The following FAM163A variants were observed in gnomAD, a reference collection of about 807,000 sequenced individuals.
FAM163A encodes the protein protein FAM163A.
In FAM163A, 7 loss-of-function variants were observed where a neutral mutation model predicts 12.0. The observed-to-expected ratio is 0.58, with a 90% confidence interval of 0.33 to 1.10. The LOEUF is 1.10. Among genes scored for constraint, FAM163A ranks in the 50% least tolerant of loss-of-function variants. The pLI is 0.03. For synonymous variants in FAM163A, 101 were observed against 91.0 expected, an observed-to-expected ratio of 1.11 and a Z score of -0.62; for missense variants, 202 against 218.6, an observed-to-expected ratio of 0.92 and a Z score of 0.48.
intron 3 of FAM163A, among the ~76,000 whole-genome samples, chr1:179,812,638 A>C (rs1694854349): frequency 6.6e-6 from 1 of 152,186 alleles, no homozygotes; most frequent in African/African-American, 2.4e-5. Flanking sequence ...CCCGTTCAGC[A>C]TGCGTGCGGT....
Position 179,813,838 on chromosome 1 carries a change from C to T in FAM163A, c.153C>T (p.His51=), listed in dbSNP as rs766209738. 1.2e-6 allele frequency: 2 copies of T among 1,613,988 alleles called. No homozygotes were observed. Among genetic ancestry groups the T allele is most frequent in the East Asian group, 2.2e-5 (1 of 44,876 alleles). Residue 51 remains histidine (H), a synonymous_variant, in exon 5 of 5, where the codon CAC becomes CAT. Coordinates refer to ENST00000341785, the MANE Select transcript of FAM163A (RefSeq NM_173509.3). ...CAGACGAGGAGGAGGAGCGGGAGCA[C>T]GACCTTCCCACGCATCCCAGAGGCC... ...EVADEEEERE[H]DLPTHPRGPT...
At chr1:179,804,624 A>G (rs1412000023) in intron 1 of FAM163A, among the ~76,000 whole-genome samples, 1 of 152,268 alleles carries the variant, frequency 6.6e-6, no homozygotes, top group Admixed American at 6.5e-5. Flanking sequence ...CTATGCAGCC[A>G]TAAAGAAGAA....
At chr1:179,742,448 C>G (rs987729531), upstream of FAM163A, 1 of 152,306 alleles carries the variant, frequency 6.6e-6, no homozygotes, top group South Asian at 2.1e-4. Context: ...CCTCTGTCCT[C>G]GCTGTCTTCA....
rs758341587 is a variant in FAM163A, at chr1:179,814,287, T to G, written c.*98T>G. 192 of 1,448,614 alleles carry G rather than the reference T, an allele frequency of 1.3e-4. No homozygotes were observed. The highest frequency in any genetic ancestry group is 1.7e-4 in the Non-Finnish European group (189 of 1,083,238). The allele number at this position is 1,448,614 out of a possible 1,614,324, so 89.7% of individuals were successfully genotyped here. A position where few individuals can be genotyped will look rare whatever the true frequency, so the allele number is the denominator to read the frequency against. ...CTCCAACAGCCCCACATGGGTTGTT[T>G]CTGTTTCTTTGGCTTTTCTCGCTCC... On this transcript the variant is annotated 3_prime_UTR_variant, in exon 5 of 5. Coordinates refer to ENST00000341785, the MANE Select transcript of FAM163A (RefSeq NM_173509.3).
intron 1 of FAM163A, among the ~76,000 whole-genome samples, chr1:179,748,985 TAA>T (rs1684887538): frequency 6.6e-6 from 1 of 152,242 alleles, no homozygotes; most frequent in Non-Finnish European, 1.5e-5. Context: ...ATGTGTGTGG[TAA>T]AATCAACAGG....
chr1:179,802,400 T>A (rs1175191512), intron 1 of FAM163A, among the ~76,000 whole-genome samples: 1 of 152,188 alleles, frequency 6.6e-6, no homozygotes, highest in Non-Finnish European at 1.5e-5. Context: ...CAGTGCCACA[T>A]CTGGTCCTCT....
chr1:179,734,612 A>C, the FAM163A span, among the ~76,000 whole-genome samples: 1 of 152,178 alleles, frequency 6.6e-6, no homozygotes, highest in African/African-American at 2.4e-5. Flanking sequence ...GATGGGACTA[A>C]TGAGCTCCTC....
Position 179,747,990 on chromosome 1 carries a change from G to A in FAM163A, c.-136+4567G>A, listed in dbSNP as rs1571300298. On this transcript the variant is annotated intron_variant, in intron 1 of 4. Coordinates refer to ENST00000341785, the MANE Select transcript of FAM163A (RefSeq NM_173509.3). Reference sequence around the variant, plus strand: ...GGGAGGAGGAAGAGGACTAGGAGGAGGGCAGCTTCTCATTGCTTTGGTCCA... The same window carrying A: ...GGGAGGAGGAAGAGGACTAGGAGGAAGGCAGCTTCTCATTGCTTTGGTCCA... Among the ~76,000 whole-genome samples, 7 of 152,176 alleles carry A rather than the reference G, an allele frequency of 4.6e-5. 1 individual carries two copies. In the East Asian group the frequency reaches 1.4e-3, roughly 29 times the overall value.
At chr1:179,806,465 A>G (rs957022746) in intron 1 of FAM163A, among the ~76,000 whole-genome samples, 2 of 152,078 alleles carry the variant, frequency 1.3e-5, no homozygotes, top group African/African-American at 4.8e-5. Flanking sequence ...TCACGCAGTC[A>G]CTCTGCCTCC....
At chr1:179,790,817 T>C (rs940960841) in intron 1 of FAM163A, among the ~76,000 whole-genome samples, 15 of 151,928 alleles carry the variant, frequency 9.9e-5, no homozygotes, top group African/African-American at 3.6e-4. Flanking sequence ...TTTAGAACAT[T>C]AGAGAATGAG....
intron 2 of FAM163A, among the ~76,000 whole-genome samples, chr1:179,808,862 G>C (rs1394184532): frequency 6.6e-6 from 1 of 152,190 alleles, no homozygotes; most frequent in Admixed American, 6.5e-5. Context: ...GCCAGCATTT[G>C]CATCTAGTTG....
Position 179,746,762 on chromosome 1 carries a change from C to G in FAM163A, c.-136+3339C>G, listed in dbSNP as rs571540724. ...AGCTTAACATTGTGGGGTGACGTAC[C>G]CCACCCCCTTTTGGTTGCTTGAGAG... On this transcript the variant is annotated intron_variant, in intron 1 of 4. Coordinates refer to ENST00000341785, the MANE Select transcript of FAM163A (RefSeq NM_173509.3). Among the ~76,000 whole-genome samples, 196 of 152,200 alleles carry G rather than the reference C, an allele frequency of 1.3e-3. 1 individual carries two copies. Among genetic ancestry groups the G allele is most frequent in the African/African-American group, 4.4e-3 (183 of 41,522 alleles).
intron 1 of FAM163A, among the ~76,000 whole-genome samples, chr1:179,765,905 C>T (rs1437420710): frequency 6.6e-6 from 1 of 151,996 alleles, no homozygotes; most frequent in Non-Finnish European, 1.5e-5. Context: ...CCTCCAGGCT[C>T]CCTACCCAAA....
rs575334708 is a variant in FAM163A at position 179,778,839 on chromosome 1, T to A, written c.-135-28959T>A. Among the ~76,000 whole-genome samples, 122 of 152,308 alleles carry A rather than the reference T, an allele frequency of 8.0e-4. 1 individual carries two copies. Among genetic ancestry groups the A allele is most frequent in the African/African-American group, 2.9e-3 (119 of 41,570 alleles). On this transcript the variant is annotated intron_variant, in intron 1 of 4. Transcript: ENST00000341785. ...GTAGTGGGGCTGGGTGCAACCCACCTAGTAACAATGTTTCTTCAAACACTG... is the reference window on the plus strand; with the variant it reads ...GTAGTGGGGCTGGGTGCAACCCACCAAGTAACAATGTTTCTTCAAACACTG...
Position 179,796,132 on chromosome 1 carries a change from T to TACACACACAC in FAM163A, c.-135-11644_-135-11635dup, listed in dbSNP as rs35899165. On this transcript the variant is annotated intron_variant, in intron 1 of 4. Transcript: ENST00000341785. Reference sequence around the variant, plus strand: ...CCTTCTCCAGAGAAACATTCAATAATACACACACACACACACACACACACA... The same window carrying TACACACACAC: ...CCTTCTCCAGAGAAACATTCAATAATACACACACACACACACACACACACACACACACACA... Among the ~76,000 whole-genome samples, 1,133 of 145,440 alleles carry TACACACACAC rather than the reference T, an allele frequency of 7.8e-3. 17 individuals are homozygous for TACACACACAC. Among genetic ancestry groups the TACACACACAC allele is most frequent in the African/African-American group, 0.027 (1,074 of 39,324 alleles).
chr1:179,810,069 ATTAAGTACCCGG>A (rs1694497821), intron 2 of FAM163A, among the ~76,000 whole-genome samples: 1 of 152,172 alleles, frequency 6.6e-6, no homozygotes, highest in Non-Finnish European at 1.5e-5. Context: ...GTGAGCTTTT[ATTAAGTACCCGG>A]TATGTGTCAG....
intron 1 of FAM163A, among the ~76,000 whole-genome samples, chr1:179,797,357 A>G (rs1692472998): frequency 6.6e-6 from 1 of 152,186 alleles, no homozygotes; most frequent in South Asian, 2.1e-4. Flanking sequence ...CTGAGGCAGG[A>G]GAATCGCTTG....
At chr1:179,812,433 G>A (rs2148377740) in intron 3 of FAM163A, among the ~76,000 whole-genome samples, 1 of 152,306 alleles carries the variant, frequency 6.6e-6, no homozygotes, top group Middle Eastern at 3.4e-3. Context: ...TGAAGGAGAA[G>A]AGAGATACCC....
the FAM163A span, among the ~76,000 whole-genome samples, chr1:179,738,116 G>C: frequency 6.6e-6 from 1 of 152,134 alleles, no homozygotes; most frequent in Admixed American, 6.5e-5. Context: ...GGAATAGGGA[G>C]AGGGGATGAC....
Sources: gnomAD v4.1 joint callset for allele counts (sites outside exome capture counted in the v4.1 genomes callset) on GRCh38, gnomAD v4.1.1 for gene constraint, MANE v1.5 for transcripts, NCBI Gene and HGNC (gene_info 2026-07-23, HGNC 2026-07-21) for gene names.